The following CCDC93 variants were observed in gnomAD, a reference collection of about 807,000 sequenced individuals.
The protein encoded by CCDC93 is CCC complex scaffolding subunit CCDC93.
In CCDC93, 61 loss-of-function variants were observed where a neutral mutation model predicts 108.2. That is an observed-to-expected ratio of 0.56 (90% CI 0.46 to 0.70). The LOEUF (loss-of-function observed/expected upper bound fraction) is 0.70, where lower values mean the gene tolerates loss of function less well. Among genes scored for constraint, CCDC93 ranks in the 30% least tolerant of loss-of-function variants. CCDC93 has a pLI of 0.00. For missense variants in CCDC93, 685 were observed against 764.2 expected, an observed-to-expected ratio of 0.90 and a Z score of 1.22; for synonymous variants, 276 against 260.4, an observed-to-expected ratio of 1.06 and a Z score of -0.58.
chr2:117,920,119 T>C lies in CCDC93; in HGVS notation c.*224A>G. 1 of 448,536 alleles carries C rather than the reference T, an allele frequency of 2.2e-6. No homozygotes were observed. The highest frequency in any genetic ancestry group is 4.6e-5 in the South Asian group (1 of 21,898). 27.8% of individuals were successfully genotyped at this position (448,536 alleles called of 1,614,324 possible). On this transcript the variant is annotated 3_prime_UTR_variant, in exon 24 of 24. Transcript: ENST00000376300. ...GAACAAGTACTCCCTATATTCTTCA[T>C]AGGATGATGGGTGTTATCCAAGCCA... is the stretch of plus-strand genomic sequence containing the variant.
intron 10 of CCDC93, 107 bp from the exon 11 acceptor site, chr2:117,974,101 AATATTCCCAGGGGAAATAATTTGGCTT>A: frequency 1.3e-6 from 1 of 776,476 alleles, no homozygotes; most frequent in Non-Finnish European, 2.2e-6. Context: ...GGTAAAACAT[AATATTCCCAGGGGAAATAATTTGGCTT>A]TGCCACATAT....
intron 8 of CCDC93, among the ~76,000 whole-genome samples, chr2:117,976,628 T>C (rs1453437163): frequency 1.3e-5 from 2 of 152,206 alleles, no homozygotes; most frequent in Non-Finnish European, 2.9e-5. Flanking sequence ...TGCTGTGAGA[T>C]AGGTACAATG....
chr2:117,993,740 T>C (rs1056260025), intron 6 of CCDC93, among the ~76,000 whole-genome samples: 9 of 152,214 alleles, frequency 5.9e-5, no homozygotes, highest in Admixed American at 1.3e-4. Flanking sequence ...TTTTTGTTTT[T>C]GTTTTTGTTT....
At chr2:117,980,979 C>G (rs1227812947) in intron 7 of CCDC93, among the ~76,000 whole-genome samples, 1 of 152,154 alleles carries the variant, frequency 6.6e-6, no homozygotes, top group Non-Finnish European at 1.5e-5. Context: ...GCTTCTTTGA[C>G]TCATGAGAAT....
intron 23 of CCDC93, among the ~76,000 whole-genome samples, chr2:117,926,922 T>G (rs1366415904): frequency 6.6e-6 from 1 of 152,152 alleles, no homozygotes; most frequent in African/African-American, 2.4e-5. Flanking sequence ...TTATCCACCA[T>G]GATCAAGTGG....
chr2:117,965,224 C>A (rs1679522884), intron 11 of CCDC93, among the ~76,000 whole-genome samples: 1 of 152,122 alleles, frequency 6.6e-6, no homozygotes, highest in Non-Finnish European at 1.5e-5. Flanking sequence ...ACCCCCACCC[C>A]TTTCCTGACT....
At chr2:118,001,742 C>T (rs1231331529) in intron 3 of CCDC93, among the ~76,000 whole-genome samples, 1 of 152,134 alleles carries the variant, frequency 6.6e-6, no homozygotes, top group Non-Finnish European at 1.5e-5. Flanking sequence ...CTCAGCTCAG[C>T]CTGAGCTGGG....
intron 7 of CCDC93, among the ~76,000 whole-genome samples, chr2:117,983,669 TATATATATAG>T (rs1680227094): frequency 2.0e-5 from 1 of 50,578 alleles, no homozygotes; most frequent in Non-Finnish European, 4.2e-5. Flanking sequence ...TATATATATA[TATATATATAG>T]TCATATAATC....
intron 1 of CCDC93, among the ~76,000 whole-genome samples, chr2:118,010,938 T>C (rs892085592): frequency 3.9e-5 from 6 of 152,232 alleles, no homozygotes; most frequent in Non-Finnish European, 7.3e-5. Context: ...GTATCAACTA[T>C]ATACTGTACA....
intron 11 of CCDC93, 93 bp from the exon 12 acceptor site, chr2:117,958,574 T>C: frequency 2.6e-6 from 2 of 783,572 alleles, no homozygotes; most frequent in Non-Finnish European, 4.5e-6. Context: ...AAAGCAGTAC[T>C]GGGCAGCCAG....
intron 2 of CCDC93, 49 bp downstream of exon 2, chr2:118,008,496 T>C (rs1676937207): frequency 3.8e-6 from 4 of 1,045,098 alleles, no homozygotes; most frequent in Non-Finnish European, 5.9e-6. Context: ...TGATTAACCA[T>C]GTCATTCTGA....
intron 11 of CCDC93, among the ~76,000 whole-genome samples, chr2:117,959,057 G>A (rs755398103): frequency 1.2e-4 from 18 of 152,168 alleles, no homozygotes; most frequent in Non-Finnish European, 2.4e-4. Context: ...GAAAAGTTCT[G>A]CAACTCTATA....
intron 22 of CCDC93, among the ~76,000 whole-genome samples, chr2:117,933,658 C>A (rs1298966925): frequency 2.0e-5 from 3 of 152,074 alleles, no homozygotes; most frequent in African/African-American, 7.2e-5. Flanking sequence ...GACTCCCCTG[C>A]CACATCTATG....
At chr2:117,938,332 T>C (rs1313724460) in intron 20 of CCDC93, among the ~76,000 whole-genome samples, 1 of 152,300 alleles carries the variant, frequency 6.6e-6, no homozygotes, top group African/African-American at 2.4e-5. Flanking sequence ...TTAAGACATA[T>C]CTGCATACTG....
chr2:117,948,941 G>A (rs1417119964), intron 14 of CCDC93, among the ~76,000 whole-genome samples: 1 of 152,232 alleles, frequency 6.6e-6, no homozygotes, highest in African/African-American at 2.4e-5. Flanking sequence ...GGCACGAGCT[G>A]TTTAAAAACT....
At chr2:117,945,431 G>A in intron 17 of CCDC93, 98 bp downstream of exon 17, 2 of 956,262 alleles carry the variant, frequency 2.1e-6, no homozygotes, top group Non-Finnish European at 3.4e-6. Flanking sequence ...TGGCCATAGA[G>A]CACATTAAAG....
At chr2:117,949,272 C>A in intron 14 of CCDC93, 50 bp downstream of exon 14, 1 of 1,274,790 alleles carries the variant, frequency 7.8e-7, no homozygotes, top group Non-Finnish European at 1.1e-6. Context: ...CAAGTATCAG[C>A]AAAGTCACTT....
chr2:117,936,407 A>C (rs190813169), intron 21 of CCDC93: 11 of 307,364 alleles, frequency 3.6e-5, no homozygotes, highest in African/African-American at 2.3e-4. Context: ...TTCATTAACA[A>C]ATATTAATTT....
intron 19 of CCDC93, among the ~76,000 whole-genome samples, chr2:117,940,464 T>C (rs1182444306): frequency 6.6e-6 from 1 of 152,018 alleles, no homozygotes; most frequent in African/African-American, 2.4e-5. Context: ...AGGGTTCAGA[T>C]CAGGAAAGGG....
Sources: allele counts gnomAD v4.1 joint callset (sites outside exome capture counted in the v4.1 genomes callset), GRCh38; gene constraint gnomAD v4.1.1; transcripts MANE v1.5; gene names NCBI Gene and HGNC (gene_info 2026-07-23, HGNC 2026-07-21).